Variants in STAU1 observed in about 807,000 individuals in gnomAD.
STAU1 encodes double-stranded RNA-binding protein Staufen homolog 1.
In STAU1, 13 loss-of-function variants were observed where a neutral mutation model predicts 62.9. That is an observed-to-expected ratio of 0.21 (90% CI 0.13 to 0.33). The LOEUF (loss-of-function observed/expected upper bound fraction) is 0.33, where lower values mean the gene tolerates loss of function less well. STAU1 is among the 10% of genes least tolerant of loss of function. STAU1 has a pLI of 1.00. For synonymous variants in STAU1, 269 were observed against 265.1 expected, an observed-to-expected ratio of 1.01 and a Z score of -0.14; for missense variants, 571 against 712.1, an observed-to-expected ratio of 0.80 and a Z score of 2.25.
rs1172170029 is a variant in STAU1 at position 49,118,186 on chromosome 20, T to C, written c.1190-90A>G. ...ATCAAACCCCACGCTGGCCCTCCCCTTGGCACGCATGGCAGCGCAGGGAAT... is the reference window on the plus strand; with the variant it reads ...ATCAAACCCCACGCTGGCCCTCCCCCTGGCACGCATGGCAGCGCAGGGAAT... On this transcript the variant is annotated intron_variant, in intron 10 of 13. Coordinates refer to ENST00000371856, the MANE Select transcript of STAU1 (RefSeq NM_017453.4). The C allele has an allele frequency of 6.3e-6, 9 of 1,429,214 alleles. No homozygotes were observed. In the Admixed American group the frequency reaches 7.1e-5, roughly 11 times the overall value. 88.5% of individuals were successfully genotyped at this position (1,429,214 alleles called of 1,614,324 possible). A position where few individuals can be genotyped will look rare whatever the true frequency, so the allele number is the denominator to read the frequency against.
upstream of STAU1, among the ~76,000 whole-genome samples, chr20:49,191,872 G>A (rs1219224072): frequency 1.3e-5 from 2 of 151,964 alleles, no homozygotes; most frequent in East Asian, 1.9e-4. Context: ...CCAACATGGT[G>A]AAACCCCATC....
At chr20:49,162,558 A>G (rs888202125) in intron 3 of STAU1, among the ~76,000 whole-genome samples, 5 of 152,092 alleles carry the variant, frequency 3.3e-5, no homozygotes, top group Non-Finnish European at 5.9e-5. Context: ...GCGGATCACG[A>G]GGTCAGAAGA....
the STAU1 span, among the ~76,000 whole-genome samples, chr20:49,218,833 G>A: frequency 6.6e-6 from 1 of 151,728 alleles, no homozygotes; most frequent in African/African-American, 2.4e-5. Flanking sequence ...CTTGAGCCCA[G>A]GAGTTCGACA....
the STAU1 span, among the ~76,000 whole-genome samples, chr20:49,214,145 G>C: frequency 3.9e-5 from 6 of 152,200 alleles, no homozygotes; most frequent in Non-Finnish European, 2.9e-5. Flanking sequence ...CCAGGAGGCA[G>C]AGGTTGCAAT....
chr20:49,206,485 G>A, the STAU1 span, among the ~76,000 whole-genome samples: 1 of 120,962 alleles, frequency 8.3e-6, no homozygotes, highest in Non-Finnish European at 1.6e-5. Flanking sequence ...GCAGTGGTGT[G>A]ATCCTGGGCC....
At chr20:49,199,870 G>A in the STAU1 span, among the ~76,000 whole-genome samples, 1 of 151,840 alleles carries the variant, frequency 6.6e-6, no homozygotes, top group Admixed American at 6.6e-5. Context: ...CACTGCACCC[G>A]GCCATATTTT....
intron 10 of STAU1, 94 bp downstream of exon 10, chr20:49,118,239 C>CG: frequency 7.2e-7 from 1 of 1,381,016 alleles, no homozygotes. Context: ...ACTTTGCATG[C>CG]GGGACCTCAC....
At chr20:49,135,009 G>A in intron 6 of STAU1, 3 of 1,600,354 alleles carry the variant, frequency 1.9e-6, no homozygotes, top group Non-Finnish European at 2.6e-6. Flanking sequence ...TCAGGACCTG[G>A]ACAGCGAAGG....
intron 9 of STAU1, 134 bp downstream of exon 9, chr20:49,119,848 A>G (rs1282016111): frequency 3.9e-5 from 43 of 1,089,898 alleles, no homozygotes; most frequent in Non-Finnish European, 5.1e-5. Flanking sequence ...CAAATGGATG[A>G]GACACTCCTC....
intron 5 of STAU1, among the ~76,000 whole-genome samples, chr20:49,148,746 C>T (rs2093179283): frequency 6.6e-6 from 1 of 152,234 alleles, no homozygotes; most frequent in Non-Finnish European, 1.5e-5. Context: ...TCTACAACAG[C>T]CGCTGCCCTC....
chr20:49,162,808 G>A lies in STAU1; in HGVS notation c.205+3189C>T, dbSNP rs2093469655. 2.0e-5 allele frequency among the ~76,000 whole-genome samples: 3 copies of A among 151,600 alleles called. No homozygotes were observed. In the Middle Eastern group the frequency reaches 0.01, roughly 523 times the overall value. On this transcript the variant is annotated intron_variant, in intron 3 of 13. Transcript: ENST00000371856. ...AAAAAAACAGATTTATAAAGTAAAG[G>A]AAATGAGAAGACAAAGGAGGAAACT...
chr20:49,142,467 C>T, intron 5 of STAU1, among the ~76,000 whole-genome samples: 1 of 152,236 alleles, frequency 6.6e-6, no homozygotes, highest in East Asian at 1.9e-4. Context: ...CAAGGTTCCA[C>T]GTAAGACTGA....
intron 3 of STAU1, 71 bp downstream of exon 3, chr20:49,165,926 G>T: frequency 6.6e-7 from 1 of 1,519,830 alleles, no homozygotes; most frequent in Non-Finnish European, 9.1e-7. Context: ...CCCTAAATCT[G>T]CAACCTATCA....
chr20:49,171,041 A>C (rs2093590308), intron 2 of STAU1, among the ~76,000 whole-genome samples: 1 of 152,252 alleles, frequency 6.6e-6, no homozygotes, highest in Non-Finnish European at 1.5e-5. Context: ...TAAATGGCAG[A>C]TTGCACATTC....
the STAU1 span, among the ~76,000 whole-genome samples, chr20:49,194,568 G>C: frequency 1.9e-4 from 3 of 15,746 alleles, no homozygotes; most frequent in Non-Finnish European, 2.5e-4. Flanking sequence ...AGGCTGCAGA[G>C]AACTATTATT....
At chr20:49,210,313 A>T in the STAU1 span, 1 of 408,250 alleles carries the variant, frequency 2.4e-6, no homozygotes. Flanking sequence ...TTTCGTTCTC[A>T]CACTTCATGG....
intron 1 of STAU1, among the ~76,000 whole-genome samples, chr20:49,182,643 T>C (rs994988119): frequency 2.6e-5 from 4 of 151,990 alleles, no homozygotes; most frequent in African/African-American, 7.3e-5. Flanking sequence ...TCGAGACCAT[T>C]CTAGCTAACA....
chr20:49,216,134 A>G, the STAU1 span, among the ~76,000 whole-genome samples: 14 of 151,572 alleles, frequency 9.2e-5, no homozygotes, highest in Admixed American at 5.9e-4. Context: ...CCACACCTAT[A>G]GTTCCAGCTA....
At chr20:49,177,199 C>G (rs1401355593) in intron 1 of STAU1, among the ~76,000 whole-genome samples, 1 of 151,476 alleles carries the variant, frequency 6.6e-6, no homozygotes, top group African/African-American at 2.4e-5. Flanking sequence ...CGTGAGCCAC[C>G]GCACCTGGCC....
Sources: gnomAD v4.1 joint callset for allele counts (sites outside exome capture counted in the v4.1 genomes callset) on GRCh38, gnomAD v4.1.1 for gene constraint, MANE v1.5 for transcripts, NCBI Gene and HGNC (gene_info 2026-07-23, HGNC 2026-07-21) for gene names.